The following PRRT2 variants were observed in gnomAD, a reference collection of about 807,000 sequenced individuals.
PRRT2 encodes the protein proline rich transmembrane protein 2.
Under a neutral mutation model 24.7 loss-of-function variants are expected in PRRT2, and 9 were observed. The ratio of observed to expected loss-of-function variants is 0.36; its 90% confidence interval spans 0.22 to 0.64. The LOEUF (loss-of-function observed/expected upper bound fraction) is 0.64. PRRT2 is among the 30% of genes least tolerant of loss of function. PRRT2 has a pLI of 0.65. For synonymous variants in PRRT2, 195 were observed against 175.5 expected (o/e 1.11, Z -0.88); for missense variants, 460 against 435.0 (o/e 1.06, Z -0.51).
chr16:29,813,022 C>G lies in PRRT2; in HGVS notation c.-33C>G. 4 of 1,564,334 alleles carry G rather than the reference C, an allele frequency of 2.6e-6. No individual in the cohort carries two copies. The highest frequency in any genetic ancestry group is 3.5e-6 in the Non-Finnish European group (4 of 1,157,802). The stretch of plus-strand genomic sequence containing the variant: ...CGCTGTCTCTGCTATTCCATCCTCC[C>G]CATAGGGGCTCTCTCCCCTCTCCCA... On this transcript the variant is annotated 5_prime_UTR_variant, in exon 2 of 4. Coordinates refer to ENST00000358758, the MANE Select transcript of PRRT2 (RefSeq NM_145239.3).
rs35625748 is a variant in PRRT2, at chr16:29,813,882, C to T, written c.828C>T (p.Cys276=). ...RDYIILAILS[C]FCPMWPVNIV... ...ACATCATCCTTGCCATCCTGTCCTG[C>T]TTCTGCCCCATGTGGCCTGTCAACA... The change falls in exon 2 of 4, where the codon TGC becomes TGT. Residue 276 remains cysteine (C), a synonymous_variant. Transcript: ENST00000358758. 132 of 1,612,608 alleles carry T rather than the reference C, an allele frequency of 8.2e-5. No homozygotes were observed. In the African/African-American group the frequency reaches 1.7e-3, roughly 21 times the overall value.
Position 29,813,794 on chromosome 16 carries a change from C to G in PRRT2, c.740C>G (p.Pro247Arg), listed in dbSNP as rs1422120091. 1 of 1,610,198 alleles carries G rather than the reference C, an allele frequency of 6.2e-7. No individual in the cohort carries two copies. Among genetic ancestry groups the G allele is most frequent in the Non-Finnish European group, 8.5e-7 (1 of 1,178,018 alleles). The change falls in exon 2 of 4, where the codon CCC becomes CGC. Residue 247 changes from proline to arginine, a missense_variant. By Grantham distance (103) the Pro-to-Arg change is moderately radical. Transcript: ENST00000358758. The part of the protein sequence containing the change: ...GSPRGSLSRH[P>R]SSQLAGPGVE... ...CCCCGAGGTAGCCTGAGCCGCCACC[C>G]CAGCTCCCAGTTGGCAGGTCCTGGG...
Position 29,812,874 on chromosome 16 carries a change from C to T in PRRT2, c.-65-116C>T, listed in dbSNP as rs988336471. On this transcript the variant is annotated intron_variant, in intron 1 of 3. Coordinates refer to ENST00000358758, the MANE Select transcript of PRRT2 (RefSeq NM_145239.3). ...GGCAAAGGAAACCCCAACTTTTCTT[C>T]CTCTCCCTAGAGGCAGTGCAAGGCT... 5 of 613,774 alleles carry T rather than the reference C, an allele frequency of 8.1e-6. No individual in the cohort carries two copies. In the East Asian group the frequency reaches 1.1e-4, roughly 14 times the overall value. The allele number at this position is 613,774 out of a possible 1,614,324, so 38.0% of individuals were successfully genotyped here. A position where few individuals can be genotyped will look rare whatever the true frequency, so the allele number is the denominator to read the frequency against.
Position 29,814,055 on chromosome 16 carries a change from T to A in PRRT2, c.879+122T>A. ...CTCTCCTCTCTGCATGGATCCCACCTCCCCAATTCCAGGGCCTTTGTTTGC... is the reference window on the plus strand; with the variant it reads ...CTCTCCTCTCTGCATGGATCCCACCACCCCAATTCCAGGGCCTTTGTTTGC... On this transcript the variant is annotated intron_variant, in intron 2 of 3. Coordinates refer to ENST00000358758, the MANE Select transcript of PRRT2 (RefSeq NM_145239.3). The surrounding 1 kb of genome is among the most constrained non-coding windows in gnomAD (Gnocchi z 4.1). 3 of 1,479,514 alleles carry A rather than the reference T, an allele frequency of 2.0e-6. No individual in the cohort carries two copies. The highest frequency in any genetic ancestry group is 2.4e-5 in the East Asian group (1 of 42,148). 91.6% of individuals were successfully genotyped at this position (1,479,514 alleles called of 1,614,324 possible). A position where few individuals can be genotyped will look rare whatever the true frequency, so the allele number is the denominator to read the frequency against.
chr16:29,812,895 A>G, intron 1 of PRRT2, 95 bp from the exon 2 acceptor site: 1 of 748,438 alleles, frequency 1.3e-6, no homozygotes, highest in South Asian at 1.8e-5. Context: ...AGGCAGTGCA[A>G]GGCTGGCCCT....
Position 29,814,592 on chromosome 16 carries a change from C to G in PRRT2, c.1013-36C>G. ...CTCCTTTGTCTCTCCTTGTCTCCCCCTCCCCCCGTCTGTCCTTCCCTCTCC... is the reference window on the plus strand; with the variant it reads ...CTCCTTTGTCTCTCCTTGTCTCCCCGTCCCCCCGTCTGTCCTTCCCTCTCC... On this transcript the variant is annotated intron_variant, in intron 3 of 3. Coordinates refer to ENST00000358758, the MANE Select transcript of PRRT2 (RefSeq NM_145239.3). This position sits in a 1 kb window ranked among gnomAD's most constrained non-coding sequence, Gnocchi z 4.1. 1 of 1,608,870 alleles carries G rather than the reference C, an allele frequency of 6.2e-7. No homozygotes were observed. Among genetic ancestry groups the G allele is most frequent in the Non-Finnish European group, 8.5e-7 (1 of 1,175,602 alleles).
rs950600161 is a variant in PRRT2, at chr16:29,814,036, T to C, written c.879+103T>C. ...TAATCATGCCTTCCTTCCCCTCTCC[T>C]CTCTGCATGGATCCCACCTCCCCAA... On this transcript the variant is annotated intron_variant, in intron 2 of 3. Coordinates refer to ENST00000358758, the MANE Select transcript of PRRT2 (RefSeq NM_145239.3). This position sits in a 1 kb window ranked among gnomAD's most constrained non-coding sequence, Gnocchi z 4.1. 8.7e-6 allele frequency: 13 copies of C among 1,499,052 alleles called. No homozygotes were observed. Among genetic ancestry groups the C allele is most frequent in the African/African-American group, 8.4e-5 (6 of 71,256 alleles). The allele number at this position is 1,499,052 out of a possible 1,614,324, so 92.9% of individuals were successfully genotyped here.
In PRRT2 at chr16:29,814,919, C is replaced by T. The variant is rs577929744; in HGVS notation, c.*281C>T. The T allele has an allele frequency of 3.1e-5, 14 of 456,642 alleles. No individual in the cohort carries two copies. Among genetic ancestry groups the T allele is most frequent in the Non-Finnish European group, 7.7e-6 (2 of 258,434 alleles). 28.3% of individuals were successfully genotyped at this position (456,642 alleles called of 1,614,324 possible). On this transcript the variant is annotated 3_prime_UTR_variant, in exon 4 of 4. Coordinates refer to ENST00000358758, the MANE Select transcript of PRRT2 (RefSeq NM_145239.3). This position sits in a 1 kb window ranked among gnomAD's most constrained non-coding sequence, Gnocchi z 4.1. The stretch of plus-strand genomic sequence containing the variant: ...CCCCTATCCCTGCACTTCTGGAAAC[C>T]TCCCTGCACTCTGGAAACCTCCCTG...
chr16:29,813,344 C>T lies in PRRT2; in HGVS notation c.290C>T (p.Ala97Val), dbSNP rs1900074523. Residue 97 changes from alanine to valine, a missense_variant, in exon 2 of 4, where the codon GCC becomes GTC. Physicochemically the swap from Ala to Val is moderately conservative, Grantham distance 64 (BLOSUM62 0). Around this residue, in one of 3 missense-constraint regions of PRRT2, gnomAD observed 378 missense variants for 324.6 expected, o/e 1.16. Transcript: ENST00000358758. ...LSLSPGGESKANCSPEDPCQE... is the reference protein window; with the variant it reads ...LSLSPGGESKVNCSPEDPCQE... ...TTAAGCCCAGGAGGGGAATCAAAGG[C>T]CAACTGCAGCCCCGAAGACCCATGC... The T allele has an allele frequency of 3.7e-6, 6 of 1,614,120 alleles. No individual in the cohort carries two copies. The East Asian group carries it at 6.7e-5, about 18-fold the overall frequency.
At position 29,814,103 on chromosome 16, in the gene PRRT2, T is replaced by C. The variant is rs1900125591; in HGVS notation, c.879+170T>C. On this transcript the variant is annotated intron_variant, in intron 2 of 3. Transcript: ENST00000358758. The surrounding 1 kb of genome is among the most constrained non-coding windows in gnomAD (Gnocchi z 4.1). ...TGCCTCTCCCTAGGACCTAACCCTC[T>C]GAGCCACCACTGCCCTGCCCCTTTG... 11 of 1,472,286 alleles carry C rather than the reference T, an allele frequency of 7.5e-6. No homozygotes were observed. The highest frequency in any genetic ancestry group is 9.8e-6 in the Non-Finnish European group (11 of 1,120,736). The allele number at this position is 1,472,286 out of a possible 1,614,324, so 91.2% of individuals were successfully genotyped here. A position where few individuals can be genotyped will look rare whatever the true frequency, so the allele number is the denominator to read the frequency against.
At position 29,814,729 on chromosome 16, in the gene PRRT2, T is replaced by C. The variant is rs1900162820; in HGVS notation, c.*91T>C. 4.3e-6 allele frequency: 6 copies of C among 1,408,668 alleles called. No homozygotes were observed. The African/African-American group carries it at 5.8e-5, about 14-fold the overall frequency. 87.3% of individuals were successfully genotyped at this position (1,408,668 alleles called of 1,614,324 possible). On this transcript the variant is annotated 3_prime_UTR_variant, in exon 4 of 4. Coordinates refer to ENST00000358758, the MANE Select transcript of PRRT2 (RefSeq NM_145239.3). The surrounding 1 kb of genome is among the most constrained non-coding windows in gnomAD (Gnocchi z 4.1). ...CTGGGGGGAGCCCAACTGATGGCCC[T>C]GGCCCCCACCCCTAAGGACCAAGGG...
rs1316462037 is a variant in PRRT2 at position 29,815,271 on chromosome 16, C to T, written c.*633C>T. On this transcript the variant is annotated 3_prime_UTR_variant, in exon 4 of 4. Coordinates refer to ENST00000358758, the MANE Select transcript of PRRT2 (RefSeq NM_145239.3). Reference sequence around the variant, plus strand: ...AGGGAGCAGTGTTGGGAGAGGGCTCCCCAACCCCAGGCTCGGACTGTTCTC... The same window carrying T: ...AGGGAGCAGTGTTGGGAGAGGGCTCTCCAACCCCAGGCTCGGACTGTTCTC... The T allele has an allele frequency of 2.6e-5, 4 of 153,178 alleles. No homozygotes were observed. Among genetic ancestry groups the T allele is most frequent in the Non-Finnish European group, 4.4e-5 (3 of 68,424 alleles). The allele number at this position is 153,178 out of a possible 1,614,324, so 9.5% of individuals were successfully genotyped here.
rs746270404 is a variant in PRRT2 at position 29,813,342 on chromosome 16, G to C, written c.288G>C (p.Lys96Asn). 1 of 1,614,002 alleles carries C rather than the reference G, an allele frequency of 6.2e-7. No homozygotes were observed. The highest frequency in any genetic ancestry group is 8.5e-7 in the Non-Finnish European group (1 of 1,180,018). The change falls in exon 2 of 4, where the codon AAG becomes AAC. Residue 96 changes from lysine to asparagine, a missense_variant. Lys to Asn is a moderately conservative substitution (Grantham distance 94). Around this residue, in one of 3 missense-constraint regions of PRRT2, gnomAD observed 378 missense variants for 324.6 expected, o/e 1.16. Coordinates refer to ENST00000358758, the MANE Select transcript of PRRT2 (RefSeq NM_145239.3). ...GCTTAAGCCCAGGAGGGGAATCAAA[G>C]GCCAACTGCAGCCCCGAAGACCCAT... Reference protein sequence around the residue: ...DLSLSPGGESKANCSPEDPCQ... With the variant: ...DLSLSPGGESNANCSPEDPCQ...
chr16:29,814,546 T>C lies in PRRT2; in HGVS notation c.1012+81T>C. ...TTTACTAACCCCTGCCCCTGCTCTC[T>C]CCTGTCTGTCCTCCTTACCTCTCCT... On this transcript the variant is annotated intron_variant, in intron 3 of 3. Transcript: ENST00000358758. The surrounding 1 kb of genome is among the most constrained non-coding windows in gnomAD (Gnocchi z 4.1). 1 of 1,610,612 alleles carries C rather than the reference T, an allele frequency of 6.2e-7. No individual in the cohort carries two copies. Among genetic ancestry groups the C allele is most frequent in the African/African-American group, 1.3e-5 (1 of 74,918 alleles).
At position 29,813,327 on chromosome 16, in the gene PRRT2, A is replaced by T. The variant is rs1342086046; in HGVS notation, c.273A>T (p.Pro91=). ...AGGCCACAGACCTCAGCTTAAGCCC[A>T]GGAGGGGAATCAAAGGCCAACTGCA... The part of the protein sequence containing the change: ...TAQATDLSLS[P]GGESKANCSP... Residue 91 remains proline, a synonymous_variant, in exon 2 of 4, where the codon CCA becomes CCT. Transcript: ENST00000358758. 1 of 1,614,016 alleles carries T rather than the reference A, an allele frequency of 6.2e-7. No individual in the cohort carries two copies. Among genetic ancestry groups the T allele is most frequent in the Non-Finnish European group, 8.5e-7 (1 of 1,180,010 alleles).
Position 29,813,307 on chromosome 16 carries a change from A to G in PRRT2, c.253A>G (p.Thr85Ala), listed in dbSNP as rs1350396214. The change falls in exon 2 of 4, where the codon ACA (threonine) becomes GCA (alanine). Residue 85 changes from threonine (T) to alanine (A), a missense_variant. By Grantham distance (58) the Thr-to-Ala change is moderately conservative (BLOSUM62 0). Coordinates refer to ENST00000358758, the MANE Select transcript of PRRT2 (RefSeq NM_145239.3). ...PAGASETAQA[T>A]DLSLSPGGES... ...TGGGGCCTCAGAAACAGCCCAGGCC[A>G]CAGACCTCAGCTTAAGCCCAGGAGG... 3 of 1,614,088 alleles carry G rather than the reference A, an allele frequency of 1.9e-6. No homozygotes were observed. Among genetic ancestry groups the G allele is most frequent in the African/African-American group, 1.3e-5 (1 of 75,052 alleles).
At chr16:29,812,919 G>A in intron 1 of PRRT2, 71 bp from the exon 2 acceptor site, 3 of 899,632 alleles carry the variant, frequency 3.3e-6, no homozygotes, top group Non-Finnish European at 3.4e-6. Context: ...ACAGGAATGT[G>A]GCCCAATTGG....
Position 29,814,682 on chromosome 16 carries a change from C to T in PRRT2, c.*44C>T, listed in dbSNP as rs1201251150. 6.3e-7 allele frequency: 1 copy of T among 1,581,874 alleles called. No individual in the cohort carries two copies. The highest frequency in any genetic ancestry group is 8.6e-7 in the Non-Finnish European group (1 of 1,164,582). ...CCAAGACTTTTCTTCCTGTTGGGAG[C>T]TGCCTTGGGCCCATCCCTCCCCTGG... On this transcript the variant is annotated 3_prime_UTR_variant, in exon 4 of 4. Coordinates refer to ENST00000358758, the MANE Select transcript of PRRT2 (RefSeq NM_145239.3). This position sits in a 1 kb window ranked among gnomAD's most constrained non-coding sequence, Gnocchi z 4.1.
In PRRT2 at chr16:29,815,724, T is replaced by TTA. The variant is rs1900212732; in HGVS notation, c.*1086_*1087insTA. 1 of 30,356 alleles carries TTA rather than the reference T, an allele frequency of 3.3e-5. No individual in the cohort carries two copies. The highest frequency in any genetic ancestry group is 1.4e-4 in the African/African-American group (1 of 7,366). 1.9% of individuals were successfully genotyped at this position (30,356 alleles called of 1,614,324 possible). On this transcript the variant is annotated 3_prime_UTR_variant, in exon 4 of 4. Transcript: ENST00000358758. ...CGGATTTGGCGGGGGTTTTTTTCCT[T>TTA]AAAAAAAAAAAAAAAAAAAAAAAAA... is the stretch of plus-strand genomic sequence containing the variant.
Sources: gnomAD v4.1 joint callset for allele counts on GRCh38, gnomAD v4.1.1 for gene constraint, gnomAD v4.1.1 regional missense constraint, Gnocchi (gnomAD v3.1) non-coding constraint, MANE v1.5 for transcripts, NCBI Gene and HGNC (gene_info 2026-07-23, HGNC 2026-07-21) for gene names.